AMOTL1: variants seen among roughly 807,000 people sequenced by gnomAD.
The protein encoded by AMOTL1 is angiomotin like 1, also known as angiomotin-like protein 1.
Under a neutral mutation model 102.9 loss-of-function variants are expected in AMOTL1, and 45 were observed. That is an observed-to-expected ratio of 0.44 (90% CI 0.34 to 0.56). The LOEUF (loss-of-function observed/expected upper bound fraction) is 0.56. Ranked by LOEUF, AMOTL1 falls within the 20% of genes least tolerant of loss-of-function variation. The pLI is 0.01. For synonymous variants in AMOTL1, 481 were observed against 484.7 expected (o/e 0.99, Z 0.10); for missense variants, 1,114 against 1,225.6 (o/e 0.91, Z 1.36).
intron 1 of AMOTL1, among the ~76,000 whole-genome samples, chr11:94,724,210 T>C (rs1224612533): frequency 1.3e-5 from 2 of 152,164 alleles, no homozygotes; most frequent in Non-Finnish European, 2.9e-5. Context: ...GATGGACTAT[T>C]CCTTCTGATT....
chr11:94,842,962 G>T (rs370653832), intron 6 of AMOTL1, among the ~76,000 whole-genome samples: 1 of 152,012 alleles, frequency 6.6e-6, no homozygotes, highest in Non-Finnish European at 1.5e-5. Context: ...ACCAGCCCTC[G>T]CTGGAGTGTT....
In AMOTL1 at chr11:94,846,348, TAAC is replaced by T. The variant is rs201555006; in HGVS notation, c.1649-3760_1649-3758del. 8.4e-3 allele frequency among the ~76,000 whole-genome samples: 1,287 copies of T among 152,370 alleles called. 17 individuals carry two copies. The highest frequency in any genetic ancestry group is 0.049 in the South Asian group (238 of 4,824). On this transcript the variant is annotated intron_variant, in intron 6 of 12. Transcript: ENST00000433060. ...GCCCTAGAATTTATCATGCTTCCTG[TAAC>T]AACAATAATAACCAGTGTTATCGAA... is the stretch of plus-strand genomic sequence containing the variant.
chr11:94,862,411 C>A (rs1240380371), intron 9 of AMOTL1, among the ~76,000 whole-genome samples: 1 of 152,134 alleles, frequency 6.6e-6, no homozygotes, highest in East Asian at 1.9e-4. Context: ...CTATTTCCAG[C>A]CATTAGTTTT....
chr11:94,843,650 G>C (rs1952351090), intron 6 of AMOTL1, among the ~76,000 whole-genome samples: 1 of 152,198 alleles, frequency 6.6e-6, no homozygotes, highest in Non-Finnish European at 1.5e-5. Context: ...CAGGTATCTT[G>C]GAACTGAGGG....
intron 1 of AMOTL1, among the ~76,000 whole-genome samples, chr11:94,773,187 G>A (rs1299005209): frequency 6.6e-6 from 1 of 152,080 alleles, no homozygotes; most frequent in Non-Finnish European, 1.5e-5. Flanking sequence ...TCCTTACCAA[G>A]GTCTTTTGCA....
At position 94,869,257 on chromosome 11, in the gene AMOTL1, C is replaced by T; in HGVS notation, c.2548C>T (p.Pro850Ser). The T allele has an allele frequency of 1.9e-6, 3 of 1,613,146 alleles. No homozygotes were observed. In the South Asian group the frequency reaches 3.3e-5, roughly 18 times the overall value. ...CTCTGCCCCACTGCTGCCACCCCCA[C>T]CCACCTCAGCACTGTCCTCCATAGC... ...HASAPLLPPPPTSALSSIAST... is the reference protein window; with the variant it reads ...HASAPLLPPPSTSALSSIAST... Residue 850 changes from proline to serine, a missense_variant, in exon 12 of 13, where the codon CCC (proline) becomes TCC (serine). Transcript: ENST00000433060.
intron 7 of AMOTL1, among the ~76,000 whole-genome samples, chr11:94,853,298 C>G (rs1952585598): frequency 6.6e-6 from 1 of 152,116 alleles, no homozygotes; most frequent in South Asian, 2.1e-4. Context: ...TCTCCCTCCC[C>G]TCACCCCCGG....
At chr11:94,819,582 G>C (rs1297060226) in intron 3 of AMOTL1, among the ~76,000 whole-genome samples, 2 of 152,116 alleles carry the variant, frequency 1.3e-5, no homozygotes, top group Non-Finnish European at 2.9e-5. Flanking sequence ...CTATGACCTA[G>C]AAGCCCCTTC....
chr11:94,791,953 C>A (rs1007898595), intron 1 of AMOTL1, among the ~76,000 whole-genome samples: 1 of 152,142 alleles, frequency 6.6e-6, no homozygotes, highest in African/African-American at 2.4e-5. Flanking sequence ...GGAACTGCGA[C>A]CTCTGTTAAA....
chr11:94,756,699 T>C (rs1950729904), intron 3 of AMOTL1, among the ~76,000 whole-genome samples: 1 of 152,214 alleles, frequency 6.6e-6, no homozygotes, highest in Non-Finnish European at 1.5e-5. Context: ...GTTGTCATTA[T>C]TATTATGTCT....
chr11:94,775,564 C>G (rs1951015975), intron 1 of AMOTL1, among the ~76,000 whole-genome samples: 3 of 151,778 alleles, frequency 2.0e-5, no homozygotes, highest in Admixed American at 2.0e-4. Flanking sequence ...CCTATGCTGT[C>G]TGTAGTAACC....
At chr11:94,817,832 A>C (rs559093748) in intron 3 of AMOTL1, among the ~76,000 whole-genome samples, 52 of 152,376 alleles carry the variant, frequency 3.4e-4, no homozygotes, top group African/African-American at 1.2e-3. Flanking sequence ...AACATCGAGC[A>C]GAACATGACT....
At chr11:94,758,598 A>C (rs902157598) in intron 3 of AMOTL1, among the ~76,000 whole-genome samples, 2 of 152,224 alleles carry the variant, frequency 1.3e-5, no homozygotes, top group African/African-American at 4.8e-5. Context: ...CACTGTCATG[A>C]GCCTCACTAA....
upstream of AMOTL1, among the ~76,000 whole-genome samples, chr11:94,767,834 A>G (rs1950874460): frequency 6.6e-6 from 1 of 152,148 alleles, no homozygotes; most frequent in African/African-American, 2.4e-5. Flanking sequence ...CGAGGCTGTC[A>G]GGTCTGTTTT....
intron 3 of AMOTL1, among the ~76,000 whole-genome samples, chr11:94,820,652 T>C (rs1462715103): frequency 6.6e-6 from 1 of 152,172 alleles, no homozygotes; most frequent in African/African-American, 2.4e-5. Flanking sequence ...ATTATTACAT[T>C]GTAATATATG....
intron 5 of AMOTL1, among the ~76,000 whole-genome samples, chr11:94,831,201 C>T (rs1158557271): frequency 6.6e-6 from 1 of 152,168 alleles, no homozygotes; most frequent in East Asian, 1.9e-4. Context: ...TTTCTCAGCA[C>T]CTCTCCCTAG....
intron 6 of AMOTL1, among the ~76,000 whole-genome samples, chr11:94,845,214 G>T (rs1489887272): frequency 6.6e-6 from 1 of 152,202 alleles, no homozygotes; most frequent in African/African-American, 2.4e-5. Flanking sequence ...TTTCAGCAGG[G>T]TGTCCACTTG....
intron 2 of AMOTL1, among the ~76,000 whole-genome samples, chr11:94,730,709 A>G (rs1950335477): frequency 2.0e-5 from 3 of 152,186 alleles, no homozygotes; most frequent in African/African-American, 7.2e-5. Context: ...AGTTGGGACC[A>G]CATCCTCTGA....
chr11:94,821,912 T>G, intron 4 of AMOTL1, 91 bp downstream of exon 4: 4 of 1,502,350 alleles, frequency 2.7e-6, no homozygotes, highest in Non-Finnish European at 3.6e-6. Context: ...AACATTGCAG[T>G]AGACCCCTTT....
Sources: allele counts gnomAD v4.1 joint callset (sites outside exome capture counted in the v4.1 genomes callset), GRCh38; gene constraint gnomAD v4.1.1; transcripts MANE v1.5; gene names NCBI Gene and HGNC (gene_info 2026-07-23, HGNC 2026-07-21).